The following ADAMTS18 variants were observed in gnomAD, a reference collection of about 807,000 sequenced individuals.
ADAMTS18 encodes the protein A disintegrin and metalloproteinase with thrombospondin motifs 18.
A neutral mutation model predicts 165.9 loss-of-function variants in ADAMTS18; 157 were observed. The observed-to-expected ratio is 0.95, with a 90% CI of 0.83 to 1.08. The LOEUF is 1.08. Ranked by LOEUF, ADAMTS18 falls within the 50% of genes least tolerant of loss-of-function variation. The pLI, the probability that ADAMTS18 is intolerant of heterozygous loss-of-function variation, is 0.00. For missense variants in ADAMTS18, 2,040 were observed against 1,534.0 expected (o/e 1.33, Z -5.51); for synonymous variants, 782 against 578.2 (o/e 1.35, Z -5.06).
chr16:77,307,664 C>T (rs556684854), intron 16 of ADAMTS18, among the ~76,000 whole-genome samples: 61 of 152,326 alleles, frequency 4.0e-4, no homozygotes, highest in African/African-American at 1.4e-3. Flanking sequence ...ATCGTCCTCT[C>T]GAGCCTGACT....
intron 11 of ADAMTS18, among the ~76,000 whole-genome samples, chr16:77,340,557 A>G (rs1549665): frequency 1 from 152,268 of 152,272 alleles, 76,132 homozygotes; most frequent in Non-Finnish European, 1. Flanking sequence ...ATATCTAGTA[A>G]TGAATAAATT....
chr16:77,285,014 C>T (rs1400832604), intron 22 of ADAMTS18, among the ~76,000 whole-genome samples: 1 of 152,180 alleles, frequency 6.6e-6, no homozygotes, highest in East Asian at 1.9e-4. Context: ...AAGTCAACAC[C>T]AGTCCTTTCT....
At chr16:77,318,365 C>T (rs887247531) in intron 16 of ADAMTS18, among the ~76,000 whole-genome samples, 1 of 152,136 alleles carries the variant, frequency 6.6e-6, no homozygotes, top group African/African-American at 2.4e-5. Context: ...AGTATTGGTG[C>T]TATATTAAGA....
intron 3 of ADAMTS18, among the ~76,000 whole-genome samples, chr16:77,419,163 T>A (rs2057568722): frequency 7.0e-6 from 1 of 143,014 alleles, no homozygotes; most frequent in South Asian, 2.2e-4. Flanking sequence ...GGAAAAAAAA[T>A]CAATTATTAA....
chr16:77,359,565 A>T, intron 7 of ADAMTS18, 142 bp from the exon 8 acceptor site: 1 of 648,060 alleles, frequency 1.5e-6, no homozygotes, highest in Non-Finnish European at 2.7e-6. Context: ...AAAAAAAAAA[A>T]AGATCTATAG....
intron 11 of ADAMTS18, among the ~76,000 whole-genome samples, chr16:77,337,149 T>C (rs549614390): frequency 9.2e-5 from 14 of 152,244 alleles, no homozygotes; most frequent in Non-Finnish European, 1.5e-4. Context: ...CCTGGATTAA[T>C]TGCCATTTCA....
chr16:77,423,233 A>G (rs577222741), intron 3 of ADAMTS18, among the ~76,000 whole-genome samples: 49 of 152,270 alleles, frequency 3.2e-4, no homozygotes, highest in African/African-American at 1.1e-3. Flanking sequence ...TCTCTTCTCA[A>G]TGGCTCCAGT....
intron 13 of ADAMTS18, among the ~76,000 whole-genome samples, 180 bp downstream of exon 13, chr16:77,325,686 A>G (rs995847857): frequency 5.0e-4 from 76 of 151,864 alleles, no homozygotes; most frequent in Admixed American, 3.9e-4. Context: ...GGGAAAAAAA[A>G]AAAAACAACA....
chr16:77,330,066 T>C (rs938869882), intron 12 of ADAMTS18, among the ~76,000 whole-genome samples: 5 of 152,124 alleles, frequency 3.3e-5, no homozygotes, highest in Non-Finnish European at 7.4e-5. Context: ...GAATATGAGA[T>C]ATGGAAGATT....
chr16:77,346,441 T>C (rs1044169114), intron 10 of ADAMTS18, among the ~76,000 whole-genome samples: 41 of 152,066 alleles, frequency 2.7e-4, no homozygotes, highest in African/African-American at 8.7e-4. Context: ...TAATAAAGAC[T>C]CTGGAATTTT....
intron 3 of ADAMTS18, among the ~76,000 whole-genome samples, chr16:77,423,665 T>C (rs1374650885): frequency 6.6e-6 from 1 of 152,178 alleles, no homozygotes; most frequent in East Asian, 1.9e-4. Flanking sequence ...CATTACACTA[T>C]GCTGCTTCAT....
At chr16:77,330,900 G>A (rs1170008832) in intron 12 of ADAMTS18, among the ~76,000 whole-genome samples, 1 of 152,122 alleles carries the variant, frequency 6.6e-6, no homozygotes, top group Non-Finnish European at 1.5e-5. Context: ...TTAAACTGAA[G>A]CAAGAAAGAA....
At chr16:77,430,747 A>C (rs1231236397) in intron 3 of ADAMTS18, among the ~76,000 whole-genome samples, 1 of 152,174 alleles carries the variant, frequency 6.6e-6, no homozygotes, top group Non-Finnish European at 1.5e-5. Context: ...TGCTTCCCTG[A>C]ATGCCACATT....
Position 77,312,520 on chromosome 16 carries a change from G to C in ADAMTS18, c.2532+7329C>G, listed in dbSNP as rs542424123. 7.2e-5 allele frequency among the ~76,000 whole-genome samples: 11 copies of C among 152,276 alleles called. No individual in the cohort carries two copies. The East Asian group carries it at 2.1e-3, about 29-fold the overall frequency. On this transcript the variant is annotated intron_variant, in intron 16 of 22. Transcript: ENST00000282849. The stretch of plus-strand genomic sequence containing the variant: ...CCCAAAGTGCTGGGATTGCAGGCGT[G>C]AGCCACCGCACTCGGCCGTCTCAAA...
chr16:77,383,059 T>G (rs1329156629), intron 3 of ADAMTS18, among the ~76,000 whole-genome samples: 1 of 152,226 alleles, frequency 6.6e-6, no homozygotes, highest in African/African-American at 2.4e-5. Context: ...TTAAGAATAC[T>G]GACAAATTGC....
chr16:77,373,953 T>A lies in ADAMTS18; in HGVS notation c.496-6230A>T, dbSNP rs368011913. 3.3e-5 allele frequency among the ~76,000 whole-genome samples: 5 copies of A among 152,254 alleles called. No individual in the cohort carries two copies. In the East Asian group the frequency reaches 9.7e-4, roughly 29 times the overall value. Reference sequence around the variant, plus strand: ...GTTTCTCCAGGCAGGGCATGGTGGCTCACACTTGTAATCCCAGCACTTCAG... The same window carrying A: ...GTTTCTCCAGGCAGGGCATGGTGGCACACACTTGTAATCCCAGCACTTCAG... On this transcript the variant is annotated intron_variant, in intron 3 of 22. Coordinates refer to ENST00000282849, the MANE Select transcript of ADAMTS18 (RefSeq NM_199355.4).
intron 10 of ADAMTS18, among the ~76,000 whole-genome samples, chr16:77,342,449 T>C (rs1344521704): frequency 8.3e-6 from 1 of 120,290 alleles, no homozygotes; most frequent in South Asian, 2.9e-4. Context: ...GAGTGCTGTT[T>C]ATAGTTTATT....
intron 10 of ADAMTS18, among the ~76,000 whole-genome samples, chr16:77,343,627 G>A (rs978912516): frequency 5.9e-5 from 9 of 152,172 alleles, no homozygotes; most frequent in African/African-American, 1.7e-4. Flanking sequence ...AAGCTGGCCT[G>A]ATTTCTGAGT....
Position 77,364,376 on chromosome 16 carries a change from G to C in ADAMTS18, c.784C>G (p.Pro262Ala). 6.2e-7 allele frequency: 1 copy of C among 1,613,588 alleles called. No individual in the cohort carries two copies. Among genetic ancestry groups the C allele is most frequent in the South Asian group, 1.1e-5 (1 of 91,044 alleles). Reference sequence around the variant, plus strand: ...TAGGTGTCCTCTGTGGGAGGCTTGGGAGCATCTACGATGAACAGAAGAGCA... The same window carrying C: ...TAGGTGTCCTCTGTGGGAGGCTTGGCAGCATCTACGATGAACAGAAGAGCA... ...HFCGRRKKYA[P>A]KPPTEDTYLR... Residue 262 changes from proline (P) to alanine (A), a missense_variant, in exon 5 of 23, where the codon CCC (proline) becomes GCC (alanine). Coordinates refer to ENST00000282849, the MANE Select transcript of ADAMTS18 (RefSeq NM_199355.4).
Sources: allele counts gnomAD v4.1 joint callset (sites outside exome capture counted in the v4.1 genomes callset), GRCh38; gene constraint gnomAD v4.1.1; transcripts MANE v1.5; gene names NCBI Gene and HGNC (gene_info 2026-07-23, HGNC 2026-07-21).